FMN1: variants seen among roughly 807,000 people sequenced by gnomAD.
FMN1 encodes the protein formin-1.
Under a neutral mutation model 132.4 loss-of-function variants are expected in FMN1, and 110 were observed. The observed-to-expected ratio is 0.83, with a 90% CI of 0.71 to 0.97. The LOEUF (loss-of-function observed/expected upper bound fraction) is 0.97, where lower values mean the gene tolerates loss of function less well. FMN1 is among the 50% of genes least tolerant of loss of function. The pLI is 0.00. For synonymous variants in FMN1, 722 were observed against 651.7 expected, an observed-to-expected ratio of 1.11 and a Z score of -1.64; for missense variants, 1,792 against 1,705.3, an observed-to-expected ratio of 1.05 and a Z score of -0.90.
intron 19 of FMN1, among the ~76,000 whole-genome samples, chr15:32,795,455 A>G (rs905428114): frequency 6.6e-6 from 1 of 152,158 alleles, no homozygotes; most frequent in Non-Finnish European, 1.5e-5. Flanking sequence ...CTAGATTCAT[A>G]GAGATTTTGA....
intron 16 of FMN1, among the ~76,000 whole-genome samples, chr15:32,870,104 T>C (rs2059480984): frequency 6.6e-6 from 1 of 152,234 alleles, no homozygotes; most frequent in African/African-American, 2.4e-5. Context: ...TCTTGGTGAC[T>C]TTAAAACTGA....
chr15:33,013,905 T>C (rs964660027), intron 6 of FMN1, among the ~76,000 whole-genome samples: 1 of 152,244 alleles, frequency 6.6e-6, no homozygotes, highest in Admixed American at 6.5e-5. Context: ...CAATGATTCA[T>C]TTTGTGTAAA....
intron 17 of FMN1, among the ~76,000 whole-genome samples, chr15:32,847,076 T>C (rs559072107): frequency 9.8e-5 from 15 of 152,336 alleles, no homozygotes; most frequent in Admixed American, 6.5e-4. Flanking sequence ...CTCATCAAAC[T>C]ATCTTGGATT....
intron 17 of FMN1, among the ~76,000 whole-genome samples, chr15:32,842,742 G>T (rs1325305800): frequency 2.0e-5 from 3 of 151,680 alleles, no homozygotes; most frequent in Non-Finnish European, 4.4e-5. Flanking sequence ...ATAACCTTAT[G>T]GTGGTGGTAT....
chr15:33,173,857 AG>A (rs1965419708), intron 3 of FMN1, among the ~76,000 whole-genome samples: 3 of 152,170 alleles, frequency 2.0e-5, no homozygotes, highest in Admixed American at 2.0e-4. Context: ...TGAACCCAGG[AG>A]GTGGAGGTTG....
chr15:32,998,576 A>G (rs1381097644), intron 7 of FMN1, among the ~76,000 whole-genome samples: 1 of 152,226 alleles, frequency 6.6e-6, no homozygotes, highest in Admixed American at 6.5e-5. Flanking sequence ...AAGTCTGGAG[A>G]GAAGGAAACA....
At chr15:32,994,232 T>TCTCTCTCTCTCTCTCTCTCTCTCACA (rs904998781) in intron 7 of FMN1, among the ~76,000 whole-genome samples, 1 of 37,198 alleles carries the variant, frequency 2.7e-5, no homozygotes, top group South Asian at 1.1e-3. Context: ...TCTCTCTCTC[T>TCTCTCTCTCTCTCTCTCTCTCTCACA]CACACACACA....
chr15:33,181,745 G>A (rs1233695863), intron 2 of FMN1, among the ~76,000 whole-genome samples: 4 of 125,034 alleles, frequency 3.2e-5, no homozygotes, highest in Non-Finnish European at 6.3e-5. Context: ...TTTCCCTCTC[G>A]TTGCTCAGGC....
chr15:32,826,921 AACTGATG>A (rs11279558), intron 17 of FMN1, among the ~76,000 whole-genome samples: 30,396 of 152,034 alleles, frequency 0.2, 3,375 homozygotes, highest in East Asian at 0.51. Context: ...AAACACACAC[AACTGATG>A]TTTGCCTACA....
chr15:32,878,245 T>C (rs1483499747), intron 16 of FMN1, among the ~76,000 whole-genome samples: 1 of 152,032 alleles, frequency 6.6e-6, no homozygotes, highest in African/African-American at 2.4e-5. Context: ...TGGAGTTTAG[T>C]GGGCAGGAGG....
intron 5 of FMN1, chr15:33,067,437 A>C: frequency 6.2e-7 from 1 of 1,614,006 alleles, no homozygotes; most frequent in African/African-American, 1.3e-5. Context: ...CCATCATCAG[A>C]GTCAGAATCA....
intron 7 of FMN1, among the ~76,000 whole-genome samples, chr15:32,994,232 T>TCTCTCACACACACA (rs904998781): frequency 1.6e-4 from 6 of 37,200 alleles, no homozygotes; most frequent in African/African-American, 3.4e-4. Flanking sequence ...TCTCTCTCTC[T>TCTCTCACACACACA]CACACACACA....
chr15:33,154,004 T>C lies in FMN1; in HGVS notation c.911A>G (p.Lys304Arg). ...GLSESHQDPE[K>R]HPEAEKDEME... ...CTCATCCTTTTCTGCCTCTGGATGC[T>C]TCTCAGGGTCCTGGTGACTTTCAGA... The change falls in exon 4 of 21, where the codon AAG (lysine) becomes AGG (arginine). Residue 304 changes from lysine to arginine, a missense_variant. Around this residue, in one of 3 missense-constraint regions of FMN1, gnomAD observed 638 missense variants for 645.2 expected, o/e 0.99. Transcript: ENST00000616417. The C allele has an allele frequency of 1.3e-6, 2 of 1,536,640 alleles. No homozygotes were observed. Among genetic ancestry groups the C allele is most frequent in the Non-Finnish European group, 8.7e-7 (1 of 1,147,026 alleles).
Position 32,903,425 on chromosome 15 carries a change from A to C in FMN1, c.3378-1385T>G, listed in dbSNP as rs76062815. Among the ~76,000 whole-genome samples the C allele has an allele frequency of 8.5e-3, 1,302 of 152,334 alleles. 35 individuals carry two copies. The highest frequency in any genetic ancestry group is 0.06 in the Admixed American group (917 of 15,294). Reference sequence around the variant, plus strand: ...TCATCAGTCTTTATAAATACATAAGAAGCAAAAAGCTCACAAGACTGACAG... The same window carrying C: ...TCATCAGTCTTTATAAATACATAAGCAGCAAAAAGCTCACAAGACTGACAG... On this transcript the variant is annotated intron_variant, in intron 12 of 20. Transcript: ENST00000616417.
chr15:32,799,058 T>C (rs191009827), intron 18 of FMN1, 105 bp from the exon 19 acceptor site: 14 of 855,438 alleles, frequency 1.6e-5, no homozygotes, highest in African/African-American at 1.5e-4. Flanking sequence ...TTGTGTTTAT[T>C]TTGTAACACA....
intron 17 of FMN1, among the ~76,000 whole-genome samples, chr15:32,839,010 A>G (rs548087943): frequency 6.6e-6 from 1 of 152,252 alleles, no homozygotes; most frequent in Admixed American, 6.5e-5. Context: ...TTGTTTACAC[A>G]GCCCAGAGAT....
intron 7 of FMN1, among the ~76,000 whole-genome samples, chr15:33,000,398 G>A (rs539484314): frequency 7.4e-5 from 11 of 149,512 alleles, no homozygotes; most frequent in Admixed American, 3.3e-4. Context: ...GCAGTGAGCC[G>A]AGATCCTGCC....
At chr15:32,888,399 GAGT>G (rs1224043462) in intron 15 of FMN1, 107 bp from the exon 16 acceptor site, 8 of 1,018,738 alleles carry the variant, frequency 7.9e-6, no homozygotes, top group Admixed American at 2.8e-5. Flanking sequence ...TTGGATGTCT[GAGT>G]AAGAATCATA....
At position 32,834,736 on chromosome 15, in the gene FMN1, C is replaced by T. The variant is rs1025919460; in HGVS notation, c.3928+22279G>A. On this transcript the variant is annotated intron_variant, in intron 17 of 20. Transcript: ENST00000616417. ...AAAATAAAGGTAATCTAGGTAGTAC[C>T]TTTCTTTGAACAAATAGTTTTCCAT... Among the ~76,000 whole-genome samples, 4 of 152,158 alleles carry T rather than the reference C, an allele frequency of 2.6e-5. No individual in the cohort carries two copies. In the South Asian group the frequency reaches 8.3e-4, roughly 32 times the overall value.
Sources: allele counts gnomAD v4.1 joint callset (sites outside exome capture counted in the v4.1 genomes callset), GRCh38; gene constraint gnomAD v4.1.1; regional missense constraint gnomAD v4.1.1; transcripts MANE v1.5; gene names NCBI Gene and HGNC (gene_info 2026-07-23, HGNC 2026-07-21).